Variants in KIAA0513 observed in about 807,000 individuals in gnomAD.
The protein encoded by KIAA0513 is KIAA0513, also known as uncharacterized protein KIAA0513.
In KIAA0513, 39 loss-of-function variants were observed where a neutral mutation model predicts 56.5. That is an observed-to-expected ratio of 0.69 (90% CI 0.53 to 0.90). The LOEUF is 0.90. Ranked by LOEUF, KIAA0513 falls within the 40% of genes least tolerant of loss-of-function variation. The pLI is 0.00. For synonymous variants in KIAA0513, 268 were observed against 215.6 expected, an observed-to-expected ratio of 1.24 and a Z score of -2.13; for missense variants, 591 against 535.2, an observed-to-expected ratio of 1.10 and a Z score of -1.03.
intron 1 of KIAA0513, among the ~76,000 whole-genome samples, chr16:85,050,871 G>A (rs1317825548): frequency 6.6e-6 from 1 of 152,190 alleles, no homozygotes; most frequent in Non-Finnish European, 1.5e-5. Context: ...AATGGACCCA[G>A]TGGGCCAGGT....
chr16:85,044,385 A>G (rs530138392), intron 1 of KIAA0513, among the ~76,000 whole-genome samples: 2 of 152,230 alleles, frequency 1.3e-5, no homozygotes, highest in African/African-American at 4.8e-5. Context: ...CCCTCGTAGT[A>G]TCCCAGAGGG....
intron 1 of KIAA0513, among the ~76,000 whole-genome samples, chr16:85,053,015 G>T (rs2073276275): frequency 6.6e-6 from 1 of 152,020 alleles, no homozygotes; most frequent in Non-Finnish European, 1.5e-5. Flanking sequence ...AGCCTCCCAA[G>T]TAGCTGGGAT....
chr16:85,041,677 G>A (rs975730720), intron 1 of KIAA0513, among the ~76,000 whole-genome samples: 2 of 152,178 alleles, frequency 1.3e-5, no homozygotes, highest in African/African-American at 4.8e-5. Flanking sequence ...GACAGCAGCT[G>A]TCCTCTTCAG....
At chr16:85,071,717 C>G in intron 2 of KIAA0513, 66 bp from the exon 3 acceptor site, 1 of 1,297,160 alleles carries the variant, frequency 7.7e-7, no homozygotes, top group Non-Finnish European at 1.1e-6. Flanking sequence ...TGCTCTTCCC[C>G]TGTTGCTCCA....
chr16:85,083,161 G>A (rs1445532029), intron 10 of KIAA0513, among the ~76,000 whole-genome samples: 1 of 152,192 alleles, frequency 6.6e-6, no homozygotes. Context: ...CCAGCCACTC[G>A]GATGGGGGTG....
At chr16:85,041,627 G>T (rs35015636) in intron 1 of KIAA0513, among the ~76,000 whole-genome samples, 23 of 152,078 alleles carry the variant, frequency 1.5e-4, no homozygotes, top group Non-Finnish European at 3.1e-4. Context: ...CTCGCTACTC[G>T]GGCGCTGCCT....
chr16:85,064,057 G>A (rs1048540655), intron 1 of KIAA0513, among the ~76,000 whole-genome samples: 1 of 147,428 alleles, frequency 6.8e-6, no homozygotes, highest in Non-Finnish European at 1.5e-5. Context: ...CCAGGCTGGA[G>A]TGCAGTGGCC....
At chr16:85,036,621 G>A (rs1046985452) in intron 1 of KIAA0513, among the ~76,000 whole-genome samples, 9 of 152,116 alleles carry the variant, frequency 5.9e-5, no homozygotes, top group African/African-American at 9.7e-5. Context: ...TGGGGTGGAC[G>A]AGCAGGCAGT....
intron 1 of KIAA0513, among the ~76,000 whole-genome samples, chr16:85,045,130 T>C (rs1159851190): frequency 6.8e-6 from 1 of 148,112 alleles, no homozygotes; most frequent in Non-Finnish European, 1.5e-5. Context: ...AATAAATAAA[T>C]AATAAATGAC....
intron 1 of KIAA0513, among the ~76,000 whole-genome samples, chr16:85,065,962 C>T (rs1300498464): frequency 6.6e-6 from 1 of 152,238 alleles, no homozygotes; most frequent in Non-Finnish European, 1.5e-5. Context: ...GTTCAGCAAG[C>T]ACACGACACA....
chr16:85,029,624 C>G (rs897954211), intron 1 of KIAA0513, among the ~76,000 whole-genome samples: 1 of 152,180 alleles, frequency 6.6e-6, no homozygotes, highest in African/African-American at 2.4e-5. Context: ...CTGTCTGCTT[C>G]TCTCTCCTCC....
At position 85,081,300 on chromosome 16, in the gene KIAA0513, G is replaced by A. The variant is rs1459601416; in HGVS notation, c.903-15G>A. 1.2e-6 allele frequency: 2 copies of A among 1,613,002 alleles called. No individual in the cohort carries two copies. Among genetic ancestry groups the A allele is most frequent in the South Asian group, 1.1e-5 (1 of 90,878 alleles). ...CTCCCCTTGGAGAGAGTGTGACTGG[G>A]GCTCTGTCTTGCAGGCACACTCTGA... On this transcript the variant is annotated splice_polypyrimidine_tract_variant and intron_variant, in intron 8 of 12. Coordinates refer to ENST00000683363, the MANE Select transcript of KIAA0513 (RefSeq NM_001388359.1). The surrounding 1 kb of genome is among the most constrained non-coding windows in gnomAD (Gnocchi z 4.4).
At chr16:85,066,367 TG>T (rs1337904045) in intron 1 of KIAA0513, among the ~76,000 whole-genome samples, 1 of 152,122 alleles carries the variant, frequency 6.6e-6, no homozygotes, top group Admixed American at 6.5e-5. Context: ...GCAAATGTTG[TG>T]CTTAGCAACC....
At chr16:85,053,478 GGTGTAAGGATAGGCCTGGACTAGA>G (rs750820602) in intron 1 of KIAA0513, among the ~76,000 whole-genome samples, 34 of 152,110 alleles carry the variant, frequency 2.2e-4, no homozygotes, top group Non-Finnish European at 3.8e-4. Context: ...TAATTAATAG[GGTGTAAGGATAGGCCTGGACTAGA>G]GTTTGCCCCA....
intron 4 of KIAA0513, 55 bp downstream of exon 4, chr16:85,073,053 T>C (rs958907722): frequency 4.4e-5 from 63 of 1,417,848 alleles, no homozygotes; most frequent in Non-Finnish European, 6.0e-5. Flanking sequence ...CTTCCCTCCC[T>C]GCCTCCCTCC....
chr16:85,067,607 A>G (rs903953542), intron 2 of KIAA0513, among the ~76,000 whole-genome samples: 8 of 152,022 alleles, frequency 5.3e-5, no homozygotes, highest in Non-Finnish European at 1.0e-4. Context: ...AGAATACCTG[A>G]GCCTGGACTT....
intron 2 of KIAA0513, among the ~76,000 whole-genome samples, 198 bp from the exon 3 acceptor site, chr16:85,071,585 G>T (rs2073574327): frequency 6.6e-6 from 1 of 152,206 alleles, no homozygotes; most frequent in South Asian, 2.1e-4. Flanking sequence ...TCCAAGCCAG[G>T]CTCCTCGCCT....
chr16:85,082,659 T>C, intron 10 of KIAA0513, 66 bp downstream of exon 10: 2 of 1,514,808 alleles, frequency 1.3e-6, no homozygotes, highest in Admixed American at 3.3e-5. Context: ...CACTGCAGGG[T>C]GGGGGCTGTG....
At chr16:85,079,143 G>C in intron 8 of KIAA0513, 140 bp downstream of exon 8, 2 of 1,496,358 alleles carry the variant, frequency 1.3e-6, no homozygotes, top group Non-Finnish European at 1.8e-6. Context: ...ATAAAAAGAT[G>C]AACACTCACA....
Sources: gnomAD v4.1 joint callset for allele counts (sites outside exome capture counted in the v4.1 genomes callset) on GRCh38, gnomAD v4.1.1 for gene constraint, Gnocchi (gnomAD v3.1) non-coding constraint, MANE v1.5 for transcripts, NCBI Gene and HGNC (gene_info 2026-07-23, HGNC 2026-07-21) for gene names.